The following RSRC1 variants were observed in gnomAD, a reference collection of about 807,000 sequenced individuals.
The protein encoded by RSRC1 is arginine and serine rich coiled-coil 1, also known as serine/Arginine-related protein 53.
RSRC1 carries 39 observed loss-of-function variants against 49.1 expected under a neutral mutation model. The observed-to-expected ratio is 0.79, with a 90% CI of 0.61 to 1.04. The LOEUF (loss-of-function observed/expected upper bound fraction) is 1.04, where lower values mean the gene tolerates loss of function less well. Ranked by LOEUF, RSRC1 falls within the 50% of genes least tolerant of loss-of-function variation. The probability of loss-of-function intolerance (pLI) is 0.00; values close to 1 mark genes in which losing one functional copy is unlikely to be tolerated. For missense variants in RSRC1, 388 were observed against 402.4 expected (o/e 0.96, Z 0.31); for synonymous variants, 143 against 130.8 (o/e 1.09, Z -0.63).
intron 4 of RSRC1, among the ~76,000 whole-genome samples, chr3:158,210,431 CAGTATATCGAA>C (rs1721609065): frequency 7.4e-6 from 1 of 135,760 alleles, no homozygotes; most frequent in Non-Finnish European, 1.5e-5. Flanking sequence ...GGTTCGAAAG[CAGTATATCGAA>C]AGTATACCTT....
intron 6 of RSRC1, among the ~76,000 whole-genome samples, chr3:158,376,105 C>T (rs1477794240): frequency 4.9e-5 from 6 of 123,124 alleles, no homozygotes; most frequent in African/African-American, 1.5e-4. Context: ...CCTTTGTAGT[C>T]GTTCCTATGG....
At chr3:158,515,228 G>A (rs912313846) in intron 7 of RSRC1, among the ~76,000 whole-genome samples, 7 of 152,062 alleles carry the variant, frequency 4.6e-5, no homozygotes, top group African/African-American at 1.2e-4. Context: ...ATTTTGCAGC[G>A]GCTGATATTG....
At chr3:158,404,849 T>C (rs1734076575) in intron 6 of RSRC1, among the ~76,000 whole-genome samples, 1 of 151,966 alleles carries the variant, frequency 6.6e-6, no homozygotes. Context: ...TCCCTCAAAC[T>C]GGGTAATGAA....
At chr3:158,157,921 A>G (rs1048169251) in intron 3 of RSRC1, among the ~76,000 whole-genome samples, 8 of 152,166 alleles carry the variant, frequency 5.3e-5, no homozygotes, top group Admixed American at 2.6e-4. Flanking sequence ...GTCTAAAAAA[A>G]AAAGAGCAAG....
chr3:158,360,637 A>G (rs1267847413), intron 6 of RSRC1, among the ~76,000 whole-genome samples: 2 of 152,222 alleles, frequency 1.3e-5, no homozygotes, highest in Admixed American at 6.5e-5. Flanking sequence ...TGGTGTGTCC[A>G]TGCTGCCCCA....
chr3:158,388,483 G>T (rs1733081498), intron 6 of RSRC1, among the ~76,000 whole-genome samples: 2 of 152,076 alleles, frequency 1.3e-5, no homozygotes, highest in South Asian at 4.1e-4. Flanking sequence ...GAGGCTTAGA[G>T]AAGTTAGGAA....
chr3:158,323,270 C>T (rs1205691046), intron 5 of RSRC1, among the ~76,000 whole-genome samples: 1 of 152,086 alleles, frequency 6.6e-6, no homozygotes, highest in Non-Finnish European at 1.5e-5. Context: ...TTGATATTGT[C>T]TGCTTTTTTA....
At chr3:158,437,524 A>T (rs1320479467) in intron 6 of RSRC1, among the ~76,000 whole-genome samples, 1 of 152,172 alleles carries the variant, frequency 6.6e-6, no homozygotes, top group East Asian at 1.9e-4. Context: ...CAAATCAATA[A>T]ACGGAATCCA....
intron 7 of RSRC1, among the ~76,000 whole-genome samples, chr3:158,528,916 T>A (rs1286007728): frequency 6.6e-6 from 1 of 151,840 alleles, no homozygotes; most frequent in African/African-American, 2.4e-5. Flanking sequence ...ACCAAATTCA[T>A]GGAAACCATT....
rs1322921127 is a variant in RSRC1 at position 158,518,126 on chromosome 3, GTA to G, written c.653-18944_653-18943del. Among the ~76,000 whole-genome samples the G allele has an allele frequency of 6.6e-3, 455 of 68,744 alleles. 10 individuals are homozygous for G. Among genetic ancestry groups the G allele is most frequent in the East Asian group, 0.021 (67 of 3,192 alleles). The allele number at this position is 68,744 out of a possible 152,430, so 45.1% of individuals were successfully genotyped here. ...TGTGTGTGTGTGTGTGTGTGTGTGT[GTA>G]TATATATATATATATATATATTTTT... On this transcript the variant is annotated intron_variant, in intron 7 of 9. Coordinates refer to ENST00000611884, the MANE Select transcript of RSRC1 (RefSeq NM_001271838.2).
chr3:158,205,622 T>G (rs142829238), intron 4 of RSRC1, among the ~76,000 whole-genome samples: 2 of 152,244 alleles, frequency 1.3e-5, no homozygotes, highest in East Asian at 3.9e-4. Context: ...TAAAAAGAGC[T>G]GTGGAAACAC....
chr3:158,364,128 A>G (rs892026841), intron 6 of RSRC1, among the ~76,000 whole-genome samples: 2 of 152,324 alleles, frequency 1.3e-5, no homozygotes, highest in East Asian at 1.9e-4. Context: ...AGGACTCCCA[A>G]CACTTCTCTA....
chr3:158,490,282 C>T (rs1739024176), intron 7 of RSRC1, among the ~76,000 whole-genome samples: 2 of 152,160 alleles, frequency 1.3e-5, no homozygotes, highest in African/African-American at 4.8e-5. Flanking sequence ...GATGGGGTTT[C>T]ACCACGTTAG....
chr3:158,112,836 C>G (rs1406604543), intron 1 of RSRC1, among the ~76,000 whole-genome samples: 1 of 152,102 alleles, frequency 6.6e-6, no homozygotes, highest in Non-Finnish European at 1.5e-5. Context: ...GTGTTGTTCC[C>G]CTCCCAGGTC....
At chr3:158,346,345 TGGATG>T (rs1253876223) in intron 5 of RSRC1, among the ~76,000 whole-genome samples, 1 of 152,140 alleles carries the variant, frequency 6.6e-6, no homozygotes, top group East Asian at 1.9e-4. Flanking sequence ...AAGAAATTGA[TGGATG>T]GGATTTCATC....
intron 4 of RSRC1, among the ~76,000 whole-genome samples, chr3:158,207,135 A>G (rs1000749832): frequency 6.6e-6 from 1 of 152,126 alleles, no homozygotes; most frequent in Admixed American, 6.6e-5. Flanking sequence ...CCTGCCTCTT[A>G]ACGACACACT....
intron 6 of RSRC1, among the ~76,000 whole-genome samples, chr3:158,443,402 C>G (rs1287580676): frequency 6.6e-6 from 1 of 152,024 alleles, no homozygotes; most frequent in Non-Finnish European, 1.5e-5. Flanking sequence ...TGCTGCTTCA[C>G]CTTGCACTTT....
chr3:158,146,176 G>A (rs1717101196), intron 3 of RSRC1, among the ~76,000 whole-genome samples: 1 of 152,184 alleles, frequency 6.6e-6, no homozygotes, highest in Non-Finnish European at 1.5e-5. Flanking sequence ...TTGAATAGGA[G>A]TGGTGAGAGA....
chr3:158,158,481 G>C (rs552719993), intron 3 of RSRC1, among the ~76,000 whole-genome samples: 1 of 152,092 alleles, frequency 6.6e-6, no homozygotes, highest in Non-Finnish European at 1.5e-5. Context: ...CTAAGACAGC[G>C]AACTATCTGC....
Sources: gnomAD v4.1 joint callset for allele counts (sites outside exome capture counted in the v4.1 genomes callset) on GRCh38, gnomAD v4.1.1 for gene constraint, MANE v1.5 for transcripts, NCBI Gene and HGNC (gene_info 2026-07-23, HGNC 2026-07-21) for gene names.